SGCZ: variants seen among roughly 807,000 people sequenced by gnomAD.
SGCZ encodes the protein zeta-sarcoglycan.
SGCZ carries 40 observed loss-of-function variants against 41.3 expected under a neutral mutation model. That is an observed-to-expected ratio of 0.97 (90% CI 0.75 to 1.26). SGCZ has a LOEUF of 1.26. Ranked by LOEUF, SGCZ falls within the 50% of genes most tolerant of loss-of-function variation. The pLI is 0.00. For missense variants in SGCZ, 552 were observed against 369.8 expected, an observed-to-expected ratio of 1.49 and a Z score of -4.04; for synonymous variants, 206 against 137.5, an observed-to-expected ratio of 1.50 and a Z score of -3.49.
intron 1 of SGCZ, among the ~76,000 whole-genome samples, chr8:14,919,900 A>G (rs1799542239): frequency 6.6e-6 from 1 of 152,322 alleles, no homozygotes; most frequent in South Asian, 2.1e-4. Flanking sequence ...CCTGGGTAAC[A>G]GAGTGAGACT....
At chr8:14,885,652 T>G (rs1431256710) in intron 1 of SGCZ, among the ~76,000 whole-genome samples, 1 of 151,914 alleles carries the variant, frequency 6.6e-6, no homozygotes, top group African/African-American at 2.4e-5. Context: ...ATCTTTATAT[T>G]CCCCACAGTG....
chr8:14,341,862 T>G (rs1802721489), intron 2 of SGCZ, among the ~76,000 whole-genome samples: 1 of 152,228 alleles, frequency 6.6e-6, no homozygotes. Flanking sequence ...CCCAACTATG[T>G]GGAACTAGAA....
chr8:14,375,819 A>G (rs1804100523), intron 2 of SGCZ, among the ~76,000 whole-genome samples: 1 of 152,212 alleles, frequency 6.6e-6, no homozygotes, highest in Admixed American at 6.5e-5. Flanking sequence ...CAGAAGCAGA[A>G]CAATAAATAA....
At chr8:14,427,649 G>C (rs1799825237) in intron 2 of SGCZ, among the ~76,000 whole-genome samples, 1 of 152,144 alleles carries the variant, frequency 6.6e-6, no homozygotes, top group South Asian at 2.1e-4. Flanking sequence ...ACAGGAGTTA[G>C]GCGGTAATTG....
intron 1 of SGCZ, among the ~76,000 whole-genome samples, chr8:14,726,800 A>G (rs1585212692): frequency 6.6e-6 from 1 of 152,284 alleles, no homozygotes; most frequent in East Asian, 1.9e-4. Context: ...AAAGATGGTT[A>G]ATAAAGCAAA....
chr8:15,180,911 G>T (rs574524721), intron 1 of SGCZ, among the ~76,000 whole-genome samples: 1 of 151,170 alleles, frequency 6.6e-6, no homozygotes, highest in Non-Finnish European at 1.5e-5. Flanking sequence ...GAGGGAAAAA[G>T]ACAGGATACC....
intron 1 of SGCZ, among the ~76,000 whole-genome samples, chr8:14,913,616 C>T (rs1483377336): frequency 1.3e-5 from 2 of 152,000 alleles, no homozygotes; most frequent in Non-Finnish European, 2.9e-5. Context: ...TTTCTTCTAC[C>T]ATAATATACA....
intron 1 of SGCZ, among the ~76,000 whole-genome samples, chr8:14,750,775 C>G (rs995112705): frequency 6.6e-5 from 10 of 152,090 alleles, no homozygotes; most frequent in African/African-American, 2.2e-4. Flanking sequence ...TTATTTAAAT[C>G]CAGAAAAATT....
intron 1 of SGCZ, among the ~76,000 whole-genome samples, chr8:14,631,431 C>G: frequency 6.6e-6 from 1 of 151,864 alleles, no homozygotes; most frequent in East Asian, 1.9e-4. Context: ...TAGCTTGAAA[C>G]TGGCCATAGT....
chr8:14,753,511 T>A lies in SGCZ; in HGVS notation c.40-198585A>T, dbSNP rs540783690. On this transcript the variant is annotated intron_variant, in intron 1 of 7. Coordinates refer to ENST00000382080, the MANE Select transcript of SGCZ (RefSeq NM_139167.4). Reference sequence around the variant, plus strand: ...CATAAGCAACATACATTGCTGGCATTTTCTCACTTCTGAAGTGTCTCAAGG... The same window carrying A: ...CATAAGCAACATACATTGCTGGCATATTCTCACTTCTGAAGTGTCTCAAGG... 2.6e-5 allele frequency among the ~76,000 whole-genome samples: 4 copies of A among 152,312 alleles called. No individual in the cohort carries two copies. In the East Asian group the frequency reaches 7.7e-4, roughly 29 times the overall value.
intron 2 of SGCZ, among the ~76,000 whole-genome samples, chr8:14,370,440 G>C (rs1335437061): frequency 6.6e-6 from 1 of 151,720 alleles, no homozygotes; most frequent in Non-Finnish European, 1.5e-5. Flanking sequence ...TTTATTTCAA[G>C]TTTCTGAAAC....
At position 14,085,657 on chromosome 8, in the gene SGCZ, A is replaced by G. The variant is rs1801502655; in HGVS notation, c.*4786T>C. On this transcript the variant is annotated 3_prime_UTR_variant, in exon 8 of 8. Transcript: ENST00000382080. ...AGTTGAAACTCAGCTGAGGAGATCC[A>G]TGCTGGGCCCATTTTGGGATACGGT... 6.6e-6 allele frequency among the ~76,000 whole-genome samples: 1 copy of G among 151,786 alleles called. No individual in the cohort carries two copies. The highest frequency in any genetic ancestry group is 1.5e-5 in the Non-Finnish European group (1 of 67,804).
intron 2 of SGCZ, among the ~76,000 whole-genome samples, chr8:14,523,141 C>T (rs1802839887): frequency 6.6e-6 from 1 of 151,910 alleles, no homozygotes; most frequent in African/African-American, 2.4e-5. Flanking sequence ...CTCCCGCTTA[C>T]ATTTAGAACC....
chr8:14,501,884 T>C (rs912672700), intron 2 of SGCZ, among the ~76,000 whole-genome samples: 2 of 152,160 alleles, frequency 1.3e-5, no homozygotes, highest in African/African-American at 4.8e-5. Context: ...AATATCTTTT[T>C]ATTGGTAAAT....
chr8:14,626,610 G>T (rs921105267), intron 1 of SGCZ, among the ~76,000 whole-genome samples: 2 of 151,972 alleles, frequency 1.3e-5, no homozygotes, highest in Non-Finnish European at 1.5e-5. Flanking sequence ...ATGACTGACT[G>T]GTGTCCTCAT....
chr8:14,460,651 G>C (rs1800876351), intron 2 of SGCZ, among the ~76,000 whole-genome samples: 1 of 152,116 alleles, frequency 6.6e-6, no homozygotes, highest in Non-Finnish European at 1.5e-5. Flanking sequence ...AGAACAGAGA[G>C]ACGAATTCCA....
At chr8:14,250,657 G>A (rs1799251995) in intron 3 of SGCZ, among the ~76,000 whole-genome samples, 1 of 152,168 alleles carries the variant, frequency 6.6e-6, no homozygotes, top group Admixed American at 6.5e-5. Context: ...TGTAGTGACA[G>A]ATATATAATT....
chr8:14,748,172 C>T (rs1268163083), intron 1 of SGCZ, among the ~76,000 whole-genome samples: 2 of 152,040 alleles, frequency 1.3e-5, no homozygotes. Flanking sequence ...TCTAATATAT[C>T]ACTGTGCTGA....
chr8:14,605,117 G>A (rs886766867), intron 1 of SGCZ, among the ~76,000 whole-genome samples: 2 of 152,092 alleles, frequency 1.3e-5, no homozygotes, highest in African/African-American at 2.4e-5. Flanking sequence ...TTTGTTAAAA[G>A]GGTTCAGCAG....
Sources: allele counts gnomAD v4.1 joint callset (sites outside exome capture counted in the v4.1 genomes callset), GRCh38; gene constraint gnomAD v4.1.1; transcripts MANE v1.5; gene names NCBI Gene and HGNC (gene_info 2026-07-23, HGNC 2026-07-21).